Variants in GLI3 observed in about 807,000 individuals in gnomAD.
GLI3 encodes the protein GLI family zinc finger 3, also known as transcription activator GLI3.
Under a neutral mutation model 100.8 loss-of-function variants are expected in GLI3, and 20 were observed. The observed-to-expected ratio is 0.20, with a 90% CI of 0.14 to 0.29. GLI3 has a LOEUF of 0.29. Among genes scored for constraint, GLI3 ranks in the 10% least tolerant of loss-of-function variants. The pLI is 1.00. For synonymous variants in GLI3, 938 were observed against 860.5 expected (o/e 1.09, Z -1.58); for missense variants, 2,040 against 2,128.5 (o/e 0.96, Z 0.82).
chr7:42,049,350 A>G (rs569159858), intron 4 of GLI3, among the ~76,000 whole-genome samples: 1 of 152,278 alleles, frequency 6.6e-6, no homozygotes, highest in South Asian at 2.1e-4. Context: ...AATGACTTTT[A>G]TGGATCCAGG....
chr7:42,261,625 T>C (rs908387659), intron 1 of GLI3, among the ~76,000 whole-genome samples: 1 of 152,158 alleles, frequency 6.6e-6, no homozygotes, highest in Non-Finnish European at 1.5e-5. Context: ...AATGTAATAA[T>C]TATATTAGGC....
chr7:42,008,475 T>A (rs183877479), intron 10 of GLI3, among the ~76,000 whole-genome samples: 1 of 152,326 alleles, frequency 6.6e-6, no homozygotes, highest in East Asian at 1.9e-4. Context: ...GGGGTCTCCC[T>A]ATGTTGCACA....
chr7:42,055,185 A>G (rs1052353819), intron 4 of GLI3, among the ~76,000 whole-genome samples: 13 of 151,954 alleles, frequency 8.6e-5, no homozygotes, highest in African/African-American at 2.2e-4. Flanking sequence ...AAAATGTTCA[A>G]GAGTAAAACA....
In GLI3 at chr7:41,965,179, C is replaced by T. The variant is rs530418832; in HGVS notation, c.3894G>A (p.Pro1298=). 3.5e-4 allele frequency: 567 copies of T among 1,613,894 alleles called. 5 individuals carry two copies. In the South Asian group the frequency reaches 5.5e-3, roughly 16 times the overall value. ...TGCCAGCTGACTCATTTGGCGCTACCGGCAGGCCGAAATTCAGCTGGCCCC... is the reference window on the plus strand; with the variant it reads ...TGCCAGCTGACTCATTTGGCGCTACTGGCAGGCCGAAATTCAGCTGGCCCC... ...GSGGQLNFGL[P]VAPNESAGSM... Residue 1298 remains proline (P), a synonymous_variant, in exon 15 of 15, where the codon CCG becomes CCA. Transcript: ENST00000395925.
intron 2 of GLI3, among the ~76,000 whole-genome samples, chr7:42,203,085 T>C (rs1017366313): frequency 6.6e-6 from 1 of 152,242 alleles, no homozygotes; most frequent in Non-Finnish European, 1.5e-5. Context: ...GTTTTATTTA[T>C]TTGTTTGTTT....
chr7:42,261,449 A>G (rs567755497), intron 1 of GLI3, among the ~76,000 whole-genome samples: 3,575 of 152,086 alleles, frequency 0.024, 140 homozygotes, highest in African/African-American at 0.082. Flanking sequence ...TCATCCATCC[A>G]TCCATCCATC....
Position 41,966,070 on chromosome 7 carries a change from G to A in GLI3, c.3003C>T (p.Gly1001=), listed in dbSNP as rs531260379. 8.3e-6 allele frequency: 13 copies of A among 1,573,910 alleles called. No individual in the cohort carries two copies. The highest frequency in any genetic ancestry group is 1.1e-5 in the Non-Finnish European group (13 of 1,166,324). ...GCACCGGGTCGCTGGCCCTCCTCAC[G>A]CCGTGGCCCGGCGCATCGTGCGGCT... ...HLQPHDAPGH[G]VRRASDPVRT... is the part of the protein sequence containing the mutation. Residue 1001 remains glycine, a synonymous_variant, in exon 15 of 15, where the codon GGC becomes GGT. Transcript: ENST00000395925. The surrounding 1 kb of genome is among the most constrained non-coding windows in gnomAD (Gnocchi z 5.8).
intron 2 of GLI3, among the ~76,000 whole-genome samples, chr7:42,152,980 G>A (rs1468772773): frequency 1.3e-5 from 2 of 152,200 alleles, no homozygotes; most frequent in African/African-American, 4.8e-5. Context: ...ACAAAGGCTG[G>A]AGCCTAGACC....
chr7:42,165,179 C>CA (rs113990543), intron 2 of GLI3, among the ~76,000 whole-genome samples: 217 of 120,758 alleles, frequency 1.8e-3, no homozygotes, highest in East Asian at 5.1e-3. Flanking sequence ...AAACTGTGTC[C>CA]AAAAAAAAAA....
chr7:42,140,271 C>T (rs903907741), intron 3 of GLI3, among the ~76,000 whole-genome samples: 12 of 152,230 alleles, frequency 7.9e-5, no homozygotes, highest in African/African-American at 2.2e-4. Flanking sequence ...TAAAGCTCAA[C>T]AGAAGCAGGC....
At chr7:42,185,190 G>T (rs1787694619) in intron 2 of GLI3, among the ~76,000 whole-genome samples, 1 of 152,152 alleles carries the variant, frequency 6.6e-6, no homozygotes. Context: ...GGCACCCAGG[G>T]CTCTTAATTC....
intron 13 of GLI3, 35 bp from the exon 14 acceptor site, chr7:41,967,958 C>A (rs763867667): frequency 6.5e-7 from 1 of 1,548,406 alleles, no homozygotes; most frequent in Non-Finnish European, 8.9e-7. Flanking sequence ...AGAAATGTCA[C>A]CAGGGAGGGT....
At chr7:42,215,892 G>A (rs1717708034) in intron 2 of GLI3, among the ~76,000 whole-genome samples, 1 of 127,010 alleles carries the variant, frequency 7.9e-6, no homozygotes, top group African/African-American at 2.6e-5. Context: ...TCCTCAATTA[G>A]CCAATCCTCA....
chr7:42,173,976 A>G (rs1266442094), intron 2 of GLI3, among the ~76,000 whole-genome samples: 2 of 152,206 alleles, frequency 1.3e-5, no homozygotes, highest in Non-Finnish European at 2.9e-5. Flanking sequence ...AATTCTACCA[A>G]AATATCCTAA....
rs561670729 is a variant in GLI3, at chr7:41,963,074, G to A, written c.*1256C>T. 2.0e-5 allele frequency: 3 copies of A among 152,320 alleles called. No individual in the cohort carries two copies. The South Asian group carries it at 6.2e-4, about 32-fold the overall frequency. The allele number at this position is 152,320 out of a possible 1,614,324, so 9.4% of individuals were successfully genotyped here. A position where few individuals can be genotyped will look rare whatever the true frequency, so the allele number is the denominator to read the frequency against. ...CATGTAACATTTAACTTCGTGAATG[G>A]ATGCAGCATTCAATAGACAGGGTGT... On this transcript the variant is annotated 3_prime_UTR_variant, in exon 15 of 15. Coordinates refer to ENST00000395925, the MANE Select transcript of GLI3 (RefSeq NM_000168.6).
chr7:42,141,696 GA>G (rs1387840034), intron 3 of GLI3, among the ~76,000 whole-genome samples: 1 of 152,070 alleles, frequency 6.6e-6, no homozygotes, highest in Non-Finnish European at 1.5e-5. Context: ...AAAAAATGCA[GA>G]TTTTACAAAT....
intron 7 of GLI3, among the ~76,000 whole-genome samples, chr7:42,030,281 AG>A (rs1424344922): frequency 2.6e-5 from 4 of 152,016 alleles, no homozygotes; most frequent in Non-Finnish European, 5.9e-5. Flanking sequence ...CGGATAATCG[AG>A]GATCATCTTC....
intron 7 of GLI3, among the ~76,000 whole-genome samples, chr7:42,034,452 A>G (rs973272639): frequency 1.3e-5 from 2 of 152,166 alleles, no homozygotes; most frequent in Non-Finnish European, 2.9e-5. Flanking sequence ...TCCAGATCTA[A>G]GGCCCCAGAT....
At chr7:42,203,017 C>A (rs1250331562) in intron 2 of GLI3, among the ~76,000 whole-genome samples, 3 of 152,210 alleles carry the variant, frequency 2.0e-5, no homozygotes, top group Non-Finnish European at 4.4e-5. Flanking sequence ...TGAACATTCC[C>A]ACCCCAGTCT....
Sources: gnomAD v4.1 joint callset for allele counts (sites outside exome capture counted in the v4.1 genomes callset) on GRCh38, gnomAD v4.1.1 for gene constraint, Gnocchi (gnomAD v3.1) non-coding constraint, MANE v1.5 for transcripts, NCBI Gene and HGNC (gene_info 2026-07-23, HGNC 2026-07-21) for gene names.